Variants in CDKN2A observed in about 807,000 individuals in gnomAD.
The protein encoded by CDKN2A is cyclin dependent kinase inhibitor 2A.
A neutral mutation model predicts 11.1 loss-of-function variants in CDKN2A; 3 were observed. The observed-to-expected ratio is 0.27, with a 90% confidence interval of 0.12 to 0.70. The LOEUF is 0.70. Among genes scored for constraint, CDKN2A ranks in the 30% least tolerant of loss-of-function variants. CDKN2A has a pLI of 0.77. For missense variants in CDKN2A, 265 were observed against 233.6 expected, an observed-to-expected ratio of 1.13 and a Z score of -0.88; for synonymous variants, 122 against 108.1, an observed-to-expected ratio of 1.13 and a Z score of -0.80.
chr9:21,974,872 C>A (rs1195481673), upstream of CDKN2A: 14 of 1,482,630 alleles, frequency 9.4e-6, no homozygotes, highest in Non-Finnish European at 8.9e-6. This position sits in a 1 kb window ranked among gnomAD's most constrained non-coding sequence, Gnocchi z 5.2. Context: ...TCTCCGCAGC[C>A]GCCGAGCGCA....
upstream of CDKN2A, among the ~76,000 whole-genome samples, chr9:21,978,458 A>G (rs1374611253): frequency 6.6e-6 from 1 of 152,128 alleles, no homozygotes; most frequent in East Asian, 1.9e-4. Context: ...CAGATTTCCT[A>G]TGTGCAAAAT....
upstream of CDKN2A, among the ~76,000 whole-genome samples, chr9:21,978,444 G>T (rs3731232): frequency 6.6e-6 from 1 of 152,072 alleles, no homozygotes; most frequent in Non-Finnish European, 1.5e-5. Context: ...CCTTATGCCA[G>T]TCTCAGATTT....
At chr9:21,994,015 C>T in exon 2 of CDKN2A, 1 of 1,077,840 alleles carries the variant, frequency 9.3e-7, no homozygotes, top group Non-Finnish European at 1.4e-6. Flanking sequence ...AATGGGGAAG[C>T]CTCCACCGGC....
Position 21,968,325 on chromosome 9 carries a change from C to T in CDKN2A, c.458-83G>A, listed in dbSNP as rs578202121. The T allele has an allele frequency of 1.2e-3, 1,881 of 1,548,272 alleles. 29 individuals carry two copies. In the South Asian group the frequency reaches 0.02, roughly 17 times the overall value. ...CATCCCGCCCTCCTCTCTTGCCGTC[C>T]CTACCGGCATTGAAATACTTATGGA... On this transcript the variant is annotated intron_variant, in intron 2 of 2. Coordinates refer to ENST00000304494, the MANE Select transcript of CDKN2A (RefSeq NM_000077.5). This position sits in a 1 kb window ranked among gnomAD's most constrained non-coding sequence, Gnocchi z 4.7.
At chr9:21,974,884 G>A (rs2131114873), upstream of CDKN2A, 1 of 1,467,336 alleles carries the variant, frequency 6.8e-7, no homozygotes, top group Non-Finnish European at 8.9e-7. This position sits in a 1 kb window ranked among gnomAD's most constrained non-coding sequence, Gnocchi z 5.2. Flanking sequence ...CCGAGCGCAC[G>A]CGGTCCGCCC....
chr9:21,994,498 CCCCCCACCTTCA>C (rs1485486260), intron 1 of CDKN2A: 1 of 1,421,032 alleles, frequency 7.0e-7, no homozygotes, highest in South Asian at 1.4e-5. Context: ...AGCGCGCCCG[CCCCCCACCTTCA>C]CCCCCACCCC....
At chr9:21,985,952 G>T (rs1390253480) in intron 2 of CDKN2A, among the ~76,000 whole-genome samples, 2 of 151,942 alleles carry the variant, frequency 1.3e-5, no homozygotes, top group Non-Finnish European at 2.9e-5. Context: ...AAAAACTAAT[G>T]TGCTTTCTTA....
rs1348413029 is a variant in CDKN2A at position 21,994,141 on chromosome 9, G to C, written c.-175-88C>G. The C allele has an allele frequency of 1.9e-6, 3 of 1,601,004 alleles. No individual in the cohort carries two copies. Among genetic ancestry groups the C allele is most frequent in the Non-Finnish European group, 2.5e-6 (3 of 1,179,806 alleles). On this transcript the variant is annotated intron_variant, in intron 1 of 3. Coordinates refer to the CDKN2A transcript ENST00000494262. ...GACTTTTCGAGGGCCTTTCCTACCT[G>C]GTCTTCTAGGAAGCGGCTGCTGCCC...
chr9:21,993,691 C>A (rs944050709), intron 2 of CDKN2A, among the ~76,000 whole-genome samples: 2 of 152,134 alleles, frequency 1.3e-5, no homozygotes, highest in Non-Finnish European at 1.5e-5. Flanking sequence ...GAGAGGGTGA[C>A]CCCGCCGGGA....
chr9:21,968,290 A>G lies in CDKN2A; in HGVS notation c.458-48T>C, dbSNP rs1244759305. On this transcript the variant is annotated intron_variant, in intron 2 of 2. Transcript: ENST00000304494. This position sits in a 1 kb window ranked among gnomAD's most constrained non-coding sequence, Gnocchi z 4.7. ...AGGCGTTAGAAACCTGAGGTCAAAG[A>G]TGTGTGGCACATCCCGCCCTCCTCT... is the stretch of plus-strand genomic sequence containing the variant. The G allele has an allele frequency of 6.2e-7, 1 of 1,607,202 alleles. No homozygotes were observed. Among genetic ancestry groups the G allele is most frequent in the Non-Finnish European group, 8.5e-7 (1 of 1,174,062 alleles).
chr9:21,969,607 T>C, intron 2 of CDKN2A: 1 of 392,608 alleles, frequency 2.5e-6, no homozygotes, highest in African/African-American at 2.1e-5. Flanking sequence ...GTCGTTCAGT[T>C]TATTCATTTG....
rs199952660 is a variant in CDKN2A, at chr9:21,972,240, GC to G, written c.151-1033del. ...TCCTTCCTGTGGTAGGCTGAATAATGCCCCCCCACCCCCAATGTCTATGTCC... is the reference window on the plus strand; with the variant it reads ...TCCTTCCTGTGGTAGGCTGAATAATGCCCCCCACCCCCAATGTCTATGTCC... On this transcript the variant is annotated intron_variant, in intron 1 of 2. Coordinates refer to ENST00000304494, the MANE Select transcript of CDKN2A (RefSeq NM_000077.5). Among the ~76,000 whole-genome samples the G allele has an allele frequency of 2.6e-5, 4 of 151,758 alleles. No individual in the cohort carries two copies. The Middle Eastern group carries it at 0.01, about 387-fold the overall frequency.
chr9:21,973,411 T>A (rs1819871560), intron 1 of CDKN2A, among the ~76,000 whole-genome samples: 1 of 152,246 alleles, frequency 6.6e-6, no homozygotes, highest in South Asian at 2.1e-4. Flanking sequence ...CTTTTCTACA[T>A]GTTCTTCTCC....
At position 21,982,839 on chromosome 9, in the gene CDKN2A, T is replaced by C. The variant is rs904487161; in HGVS notation, c.-4+11043A>G. 5.0e-4 allele frequency among the ~76,000 whole-genome samples: 76 copies of C among 151,848 alleles called. 1 individual carries two copies. Among genetic ancestry groups the C allele is most frequent in the Admixed American group, 3.4e-3 (52 of 15,248 alleles). On this transcript the variant is annotated intron_variant, in intron 2 of 3. Transcript: ENST00000494262. ...ATAATTCCACAGCTGTCCCATGGGA[T>C]AGAGAGTATTATTCTTTCTTCATAA... is the stretch of plus-strand genomic sequence containing the variant.
chr9:21,974,529 C>A lies in CDKN2A; in HGVS notation c.150+149G>T, dbSNP rs1483538952. On this transcript the variant is annotated intron_variant, in intron 1 of 2. Coordinates refer to ENST00000304494, the MANE Select transcript of CDKN2A (RefSeq NM_000077.5). The surrounding 1 kb of genome is among the most constrained non-coding windows in gnomAD (Gnocchi z 5.2). ...CCCCAGGGCGTCGCCAGGAGGAGGT[C>A]TGTGATTACAAACCCCTTCTGAAAA... 6.2e-7 allele frequency: 1 copy of A among 1,613,272 alleles called. No individual in the cohort carries two copies. Among genetic ancestry groups the A allele is most frequent in the Non-Finnish European group, 8.5e-7 (1 of 1,179,968 alleles).
intron 2 of CDKN2A, among the ~76,000 whole-genome samples, chr9:21,986,866 G>C (rs1378507759): frequency 6.6e-6 from 1 of 152,068 alleles, no homozygotes. Context: ...TTAACAATTA[G>C]ATGTTCAACT....
Position 21,992,246 on chromosome 9 carries a change from T to G in CDKN2A, c.-4+1636A>C, listed in dbSNP as rs568832552. 124 of 942,536 alleles carry G rather than the reference T, an allele frequency of 1.3e-4. 2 individuals carry two copies. The South Asian group carries it at 5.4e-3, about 41-fold the overall frequency. The allele number at this position is 942,536 out of a possible 1,614,324, so 58.4% of individuals were successfully genotyped here. The stretch of plus-strand genomic sequence containing the variant: ...ATTGTATGAATCCTAACATAATTAG[T>G]ATCCATATATATTCCCAAATCAATA... On this transcript the variant is annotated intron_variant, in intron 2 of 3. Coordinates refer to the CDKN2A transcript ENST00000494262.
At chr9:21,979,575 T>C (rs779715578), upstream of CDKN2A, among the ~76,000 whole-genome samples, 34 of 152,088 alleles carry the variant, frequency 2.2e-4, no homozygotes, top group Non-Finnish European at 1.0e-4. Context: ...AAGAGATACA[T>C]AGATTTGGGA....
At chr9:21,990,500 G>C (rs1259158641) in intron 2 of CDKN2A, among the ~76,000 whole-genome samples, 1 of 152,014 alleles carries the variant, frequency 6.6e-6, no homozygotes, top group Non-Finnish European at 1.5e-5. Flanking sequence ...ATATTTTACT[G>C]ATGATGGTCA....
Sources: allele counts gnomAD v4.1 joint callset (sites outside exome capture counted in the v4.1 genomes callset), GRCh38; gene constraint gnomAD v4.1.1; non-coding constraint Gnocchi (gnomAD v3.1); transcripts MANE v1.5; gene names NCBI Gene and HGNC (gene_info 2026-07-23, HGNC 2026-07-21).